The following LRP8 variants were observed in gnomAD, a reference collection of about 807,000 sequenced individuals.
LRP8 encodes the protein LDL receptor related protein 8, also known as low-density lipoprotein receptor-related protein 8.
A neutral mutation model predicts 111.6 loss-of-function variants in LRP8; 46 were observed. The observed-to-expected ratio is 0.41, with a 90% CI of 0.33 to 0.53. The LOEUF is 0.53. Ranked by LOEUF, LRP8 falls within the 20% of genes least tolerant of loss-of-function variation. LRP8 has a pLI of 0.20. For missense variants in LRP8, 959 were observed against 1,297.4 expected (o/e 0.74, Z 4.01); for synonymous variants, 464 against 511.2 (o/e 0.91, Z 1.24).
chr1:53,311,645 C>G (rs1322283702), intron 2 of LRP8, among the ~76,000 whole-genome samples: 1 of 151,226 alleles, frequency 6.6e-6, no homozygotes, highest in Non-Finnish European at 1.5e-5. Flanking sequence ...TCTCTCCCTA[C>G]TCCTCTGTCT....
rs2100428545 is a variant in LRP8, at chr1:53,279,126, A to G, written c.496+1461T>C. ...GCTTCTTCATACTGAGTTTTCTCTG[A>G]GGTTTTGGAGCCAACAGTAACTTTA... On this transcript the variant is annotated intron_variant, in intron 4 of 18. Transcript: ENST00000306052. The surrounding 1 kb of genome is among the most constrained non-coding windows in gnomAD (Gnocchi z 4.4). Among the ~76,000 whole-genome samples the G allele has an allele frequency of 6.6e-6, 1 of 151,980 alleles. No individual in the cohort carries two copies. The highest frequency in any genetic ancestry group is 2.1e-4 in the South Asian group (1 of 4,820).
At chr1:53,319,309 G>A (rs1195563370) in intron 2 of LRP8, among the ~76,000 whole-genome samples, 1 of 152,162 alleles carries the variant, frequency 6.6e-6, no homozygotes, top group Non-Finnish European at 1.5e-5. Context: ...GGAGGATGGG[G>A]GCCAAATGAC....
chr1:53,277,747 T>C (rs1311373302), intron 4 of LRP8, among the ~76,000 whole-genome samples: 1 of 152,220 alleles, frequency 6.6e-6, no homozygotes, highest in African/African-American at 2.4e-5. Context: ...CATGACACCC[T>C]GGCGTTTCCC....
At chr1:53,327,167 G>A (rs1043337564) in intron 1 of LRP8, 175 bp from the exon 2 acceptor site, 2 of 860,180 alleles carry the variant, frequency 2.3e-6, no homozygotes, top group African/African-American at 1.7e-5. Context: ...GGGGTTCCGT[G>A]GATGTCGGGC....
At chr1:53,324,853 C>T (rs1220938002) in intron 2 of LRP8, among the ~76,000 whole-genome samples, 1 of 152,216 alleles carries the variant, frequency 6.6e-6, no homozygotes, top group Non-Finnish European at 1.5e-5. Flanking sequence ...CCCACCTCAG[C>T]AGACAGTGCC....
chr1:53,280,787 C>G, intron 3 of LRP8, 72 bp from the exon 4 acceptor site: 1 of 1,577,234 alleles, frequency 6.3e-7, no homozygotes, highest in Non-Finnish European at 8.6e-7. Flanking sequence ...AGTCCTACCA[C>G]CCTGTTCCAG....
At chr1:53,300,179 C>T (rs1021195516) in intron 2 of LRP8, among the ~76,000 whole-genome samples, 1 of 152,254 alleles carries the variant, frequency 6.6e-6, no homozygotes, top group African/African-American at 2.4e-5. Context: ...CTGGCCATCA[C>T]CTGCCTCCAG....
At chr1:53,261,949 A>T in intron 12 of LRP8, 119 bp downstream of exon 12, 1 of 1,220,314 alleles carries the variant, frequency 8.2e-7, no homozygotes, top group Non-Finnish European at 1.2e-6. Context: ...CAAACAAATC[A>T]GTTGGTTTCC....
intron 2 of LRP8, among the ~76,000 whole-genome samples, chr1:53,310,258 T>A (rs1034227769): frequency 6.6e-6 from 1 of 151,936 alleles, no homozygotes; most frequent in Non-Finnish European, 1.5e-5. Flanking sequence ...GGGCCCCTCC[T>A]CAGCCTTGCC....
intron 2 of LRP8, among the ~76,000 whole-genome samples, chr1:53,295,538 C>T (rs1233886344): frequency 6.6e-6 from 1 of 152,106 alleles, no homozygotes; most frequent in East Asian, 1.9e-4. Context: ...GGGCTCCAGG[C>T]TGCCAGAGCT....
intron 12 of LRP8, among the ~76,000 whole-genome samples, chr1:53,261,847 G>C (rs1177800741): frequency 1.3e-5 from 2 of 152,224 alleles, no homozygotes; most frequent in African/African-American, 4.8e-5. Flanking sequence ...AGTGCTCTGG[G>C]AGAGGGGTCT....
rs1655252052 is a variant in LRP8 at position 53,327,190 on chromosome 1, C to G, written c.125-198G>C. ...GTGGATGTCGGGCCGCTCGGTGGCACGGCGAGACCAGGCACCTACTTAAAG... is the reference window on the plus strand; with the variant it reads ...GTGGATGTCGGGCCGCTCGGTGGCAGGGCGAGACCAGGCACCTACTTAAAG... On this transcript the variant is annotated intron_variant, in intron 1 of 18. Transcript: ENST00000306052. 3 of 671,380 alleles carry G rather than the reference C, an allele frequency of 4.5e-6. No individual in the cohort carries two copies. In the East Asian group the frequency reaches 8.4e-5, roughly 19 times the overall value. 41.6% of individuals were successfully genotyped at this position (671,380 alleles called of 1,614,324 possible).
intron 2 of LRP8, among the ~76,000 whole-genome samples, chr1:53,312,225 C>G (rs1177179138): frequency 6.6e-6 from 1 of 152,210 alleles, no homozygotes; most frequent in East Asian, 1.9e-4. Context: ...TAGAGGCAGT[C>G]TGTAACAGCG....
At chr1:53,289,445 G>A (rs13306535) in intron 3 of LRP8, 122 bp downstream of exon 3, 156,365 of 1,318,666 alleles carry the variant, frequency 0.12, 9,838 homozygotes, top group African/African-American at 0.18. Context: ...TACCAGGAGC[G>A]CCCTGAGTGC....
chr1:53,265,812 A>G (rs1286717975), intron 9 of LRP8, among the ~76,000 whole-genome samples: 1 of 152,222 alleles, frequency 6.6e-6, no homozygotes, highest in East Asian at 1.9e-4. Context: ...TCTCAGGACA[A>G]AGAAAGGACA....
chr1:53,290,768 G>A (rs1348144313), intron 2 of LRP8, among the ~76,000 whole-genome samples: 3 of 152,132 alleles, frequency 2.0e-5, no homozygotes, highest in African/African-American at 7.2e-5. Context: ...TAGCAGGCCC[G>A]GGGGAGAGCA....
chr1:53,255,243 C>A, intron 15 of LRP8, 58 bp from the exon 16 acceptor site: 1 of 1,519,946 alleles, frequency 6.6e-7, no homozygotes, highest in South Asian at 1.1e-5. Flanking sequence ...CAAGCCCCTA[C>A]TGGCCTCAAG....
At position 53,303,675 on chromosome 1, in the gene LRP8, C is replaced by T. The variant is rs1279842464; in HGVS notation, c.245-13986G>A. Among the ~76,000 whole-genome samples, 1 of 152,224 alleles carries T rather than the reference C, an allele frequency of 6.6e-6. No homozygotes were observed. Among genetic ancestry groups the T allele is most frequent in the Non-Finnish European group, 1.5e-5 (1 of 68,034 alleles). ...CCAGTTTTAAATCACAAATCTTAGACTCACAAACAGAACAAAACCCTAGAA... is the reference window on the plus strand; with the variant it reads ...CCAGTTTTAAATCACAAATCTTAGATTCACAAACAGAACAAAACCCTAGAA... On this transcript the variant is annotated intron_variant, in intron 2 of 18. Coordinates refer to ENST00000306052, the MANE Select transcript of LRP8 (RefSeq NM_004631.5). This position sits in a 1 kb window ranked among gnomAD's most constrained non-coding sequence, Gnocchi z 4.3.
chr1:53,302,535 G>A (rs980047545), intron 2 of LRP8, among the ~76,000 whole-genome samples: 2 of 152,138 alleles, frequency 1.3e-5, no homozygotes, highest in African/African-American at 4.8e-5. Context: ...TTTTGTTCTG[G>A]GTTGTGGCTG....
Sources: allele counts gnomAD v4.1 joint callset (sites outside exome capture counted in the v4.1 genomes callset), GRCh38; gene constraint gnomAD v4.1.1; non-coding constraint Gnocchi (gnomAD v3.1); transcripts MANE v1.5; gene names NCBI Gene and HGNC (gene_info 2026-07-23, HGNC 2026-07-21).